KLF12: variants seen among roughly 807,000 people sequenced by gnomAD.
KLF12 encodes KLF transcription factor 12, also known as Krueppel-like factor 12.
A neutral mutation model predicts 37.8 loss-of-function variants in KLF12; 9 were observed. The observed-to-expected ratio is 0.24, with a 90% CI of 0.14 to 0.42. The LOEUF is 0.42. KLF12 is among the 10% of genes least tolerant of loss of function. KLF12 has a pLI of 1.00. For missense variants in KLF12, 411 were observed against 516.0 expected (o/e 0.80, Z 1.97); for synonymous variants, 208 against 202.1 (o/e 1.03, Z -0.25).
At chr13:73,795,323 A>C (rs1346938087) in intron 5 of KLF12, among the ~76,000 whole-genome samples, 1 of 152,202 alleles carries the variant, frequency 6.6e-6, no homozygotes, top group East Asian at 1.9e-4. Flanking sequence ...CTTTGAATAC[A>C]AACACCCTAG....
rs542564318 is a variant in KLF12 at position 73,765,413 on chromosome 13, C to A, written c.807-413G>T. 1.1e-4 allele frequency among the ~76,000 whole-genome samples: 17 copies of A among 152,254 alleles called. 1 individual carries two copies. The South Asian group carries it at 3.5e-3, about 32-fold the overall frequency. Reference sequence around the variant, plus strand: ...GCACAAAGAGGTGTCTAAGTGCCCTCTCCTTCACTCTACCACATTTAAAAC... The same window carrying A: ...GCACAAAGAGGTGTCTAAGTGCCCTATCCTTCACTCTACCACATTTAAAAC... On this transcript the variant is annotated intron_variant, in intron 5 of 7. Coordinates refer to ENST00000377669, the MANE Select transcript of KLF12 (RefSeq NM_007249.5).
chr13:73,895,155 A>G (rs767381273), intron 3 of KLF12, among the ~76,000 whole-genome samples: 1 of 152,186 alleles, frequency 6.6e-6, no homozygotes, highest in Non-Finnish European at 1.5e-5. Context: ...TTGCTGGATA[A>G]ATAAGTTGCT....
chr13:74,131,452 A>C (rs939924310), intron 1 of KLF12, among the ~76,000 whole-genome samples: 1 of 152,184 alleles, frequency 6.6e-6, no homozygotes, highest in East Asian at 1.9e-4. Context: ...TGTAGTAAAC[A>C]ACCACCAGCC....
chr13:74,061,290 G>T (rs745853754), intron 1 of KLF12, among the ~76,000 whole-genome samples: 56 of 152,160 alleles, frequency 3.7e-4, no homozygotes, highest in Non-Finnish European at 7.6e-4. Flanking sequence ...GTAACACTGA[G>T]GGAGGAACTA....
chr13:73,734,277 TCTCA>T (rs754795924), intron 6 of KLF12, among the ~76,000 whole-genome samples: 2 of 152,090 alleles, frequency 1.3e-5, no homozygotes, highest in African/African-American at 2.4e-5. Flanking sequence ...CACCACAGCT[TCTCA>T]CTGTCTATTG....
intron 5 of KLF12, chr13:73,801,197 A>G (rs949955348): frequency 6.6e-6 from 1 of 152,086 alleles, no homozygotes; most frequent in African/African-American, 2.4e-5. Flanking sequence ...GATGCGGGTA[A>G]GTAAATGTAT....
At chr13:74,035,066 C>T (rs150168663) in intron 1 of KLF12, among the ~76,000 whole-genome samples, 13 of 152,234 alleles carry the variant, frequency 8.5e-5, no homozygotes, top group South Asian at 8.3e-4. Context: ...CAGCAGCTCT[C>T]GGGTGGAAGT....
At chr13:73,701,719 T>C (rs1874567218) in intron 7 of KLF12, among the ~76,000 whole-genome samples, 1 of 152,190 alleles carries the variant, frequency 6.6e-6, no homozygotes, top group African/African-American at 2.4e-5. Flanking sequence ...AACGGGTGGC[T>C]AGCTGGGTGA....
rs200413877 is a variant in KLF12, at chr13:73,908,401, C to CAA, written c.123+35578_123+35579dup. ...TGGGTGACAGAGCGAGACTCTGTCT[C>CAA]AAAAAAAAAAAACAAACAAACAAAA... On this transcript the variant is annotated intron_variant, in intron 3 of 7. Transcript: ENST00000377669. 1.2e-3 allele frequency among the ~76,000 whole-genome samples: 158 copies of CAA among 129,334 alleles called. 7 individuals are homozygous for CAA. In the South Asian group the frequency reaches 0.013, roughly 11 times the overall value. 84.8% of individuals were successfully genotyped at this position (129,334 alleles called of 152,430 possible). A position where few individuals can be genotyped will look rare whatever the true frequency, so the allele number is the denominator to read the frequency against.
chr13:74,187,182 G>C, the KLF12 span, among the ~76,000 whole-genome samples: 16 of 152,266 alleles, frequency 1.1e-4, no homozygotes, highest in African/African-American at 3.9e-4. Flanking sequence ...ACCAGAATTA[G>C]CTGGGTATGG....
chr13:74,100,058 G>A lies in KLF12; in HGVS notation c.-32+33681C>T, dbSNP rs75374375. ...AGAGTGTGGAGGGGAGAGAGAGCACGCAGCATGGAGGCACGCTGGCAGCTG... is the reference window on the plus strand; with the variant it reads ...AGAGTGTGGAGGGGAGAGAGAGCACACAGCATGGAGGCACGCTGGCAGCTG... On this transcript the variant is annotated intron_variant, in intron 1 of 7. Transcript: ENST00000377669. Among the ~76,000 whole-genome samples, 1,321 of 152,234 alleles carry A rather than the reference G, an allele frequency of 8.7e-3. 8 individuals are homozygous for A. The highest frequency in any genetic ancestry group is 0.024 in the Middle Eastern group (7 of 294).
chr13:73,956,098 T>C (rs1297120927), intron 2 of KLF12, among the ~76,000 whole-genome samples: 1 of 152,232 alleles, frequency 6.6e-6, no homozygotes, highest in African/African-American at 2.4e-5. Flanking sequence ...GAAACAAAAT[T>C]CATTCAACAG....
chr13:74,252,866 C>A, the KLF12 span, among the ~76,000 whole-genome samples: 1 of 152,124 alleles, frequency 6.6e-6, no homozygotes, highest in Non-Finnish European at 1.5e-5. Flanking sequence ...CACCTCTTTG[C>A]AGAGACAAAT....
intron 1 of KLF12, among the ~76,000 whole-genome samples, chr13:74,068,239 G>A (rs977885820): frequency 3.3e-5 from 5 of 152,104 alleles, no homozygotes; most frequent in African/African-American, 7.2e-5. Context: ...CTATTTCTAC[G>A]AAAAATAAGT....
chr13:74,188,185 T>C, the KLF12 span, among the ~76,000 whole-genome samples: 1,506 of 152,242 alleles, frequency 9.9e-3, 25 homozygotes, highest in African/African-American at 0.031. Flanking sequence ...TTAGATAAGT[T>C]TTGTACTATT....
At chr13:74,287,985 A>T in the KLF12 span, among the ~76,000 whole-genome samples, 1 of 151,904 alleles carries the variant, frequency 6.6e-6, no homozygotes, top group African/African-American at 2.4e-5. Flanking sequence ...GCCCAGGGAA[A>T]TCAACACTGT....
intron 7 of KLF12, among the ~76,000 whole-genome samples, chr13:73,702,194 G>C (rs1270837578): frequency 2.0e-5 from 3 of 151,976 alleles, no homozygotes; most frequent in Non-Finnish European, 4.4e-5. Flanking sequence ...CTCACATCAG[G>C]GTTTTGTTTT....
At chr13:74,037,804 C>T (rs7322163) in intron 1 of KLF12, among the ~76,000 whole-genome samples, 1 of 152,092 alleles carries the variant, frequency 6.6e-6, no homozygotes, top group East Asian at 1.9e-4. Flanking sequence ...GTGGACTGGG[C>T]AATGAATACA....
At chr13:74,044,699 G>T (rs1019970622) in intron 1 of KLF12, among the ~76,000 whole-genome samples, 10 of 151,914 alleles carry the variant, frequency 6.6e-5, no homozygotes, top group African/African-American at 2.2e-4. Context: ...CAAAAAATTT[G>T]CCAGATGTAG....
Sources: gnomAD v4.1 joint callset for allele counts (sites outside exome capture counted in the v4.1 genomes callset) on GRCh38, gnomAD v4.1.1 for gene constraint, MANE v1.5 for transcripts, NCBI Gene and HGNC (gene_info 2026-07-23, HGNC 2026-07-21) for gene names.